RAI1: variants seen among roughly 807,000 people sequenced by gnomAD.
RAI1 encodes the protein retinoic acid induced 1.
In RAI1, 9 loss-of-function variants were observed where a neutral mutation model predicts 123.8. The observed-to-expected ratio is 0.07, with a 90% CI of 0.04 to 0.13. The LOEUF (loss-of-function observed/expected upper bound fraction) is 0.13, where lower values mean the gene tolerates loss of function less well. RAI1 is among the 10% of genes least tolerant of loss of function. The probability of loss-of-function intolerance (pLI) is 1.00; values close to 1 mark genes in which losing one functional copy is unlikely to be tolerated. For synonymous variants in RAI1, 1,231 were observed against 1,127.3 expected (o/e 1.09, Z -1.84); for missense variants, 2,256 against 2,545.8 (o/e 0.89, Z 2.45).
chr17:17,801,113 C>A lies in RAI1; in HGVS notation c.5565+2600C>A, dbSNP rs1156772368. On this transcript the variant is annotated intron_variant, in intron 3 of 5. Transcript: ENST00000353383. The surrounding 1 kb of genome is among the most constrained non-coding windows in gnomAD (Gnocchi z 4.1). ...ACCTCTGAGCCAGCTCTCAGGGATA[C>A]CTTTTTTCCTCGATGGCCTTTTCTG... is the stretch of plus-strand genomic sequence containing the variant. Among the ~76,000 whole-genome samples the A allele has an allele frequency of 6.6e-6, 1 of 152,222 alleles. No homozygotes were observed. The highest frequency in any genetic ancestry group is 2.4e-5 in the African/African-American group (1 of 41,452).
intron 1 of RAI1, among the ~76,000 whole-genome samples, chr17:17,713,078 C>T (rs1000157491): frequency 1.1e-4 from 16 of 152,138 alleles, no homozygotes; most frequent in Non-Finnish European, 1.8e-4. Context: ...GTGATAGTTG[C>T]ACAACTTCAT....
intron 1 of RAI1, among the ~76,000 whole-genome samples, chr17:17,699,762 C>G (rs1915155748): frequency 6.6e-6 from 1 of 152,212 alleles, no homozygotes; most frequent in African/African-American, 2.4e-5. Context: ...TGGCTACTGT[C>G]TGCCGGGTAG....
chr17:17,755,102 G>C (rs1455425945), intron 2 of RAI1, among the ~76,000 whole-genome samples: 1 of 152,208 alleles, frequency 6.6e-6, no homozygotes, highest in Admixed American at 6.5e-5. Context: ...ACTGTTTAGA[G>C]GGCTCCTCTG....
chr17:17,683,210 T>G (rs1914504853), intron 1 of RAI1, among the ~76,000 whole-genome samples: 1 of 152,190 alleles, frequency 6.6e-6, no homozygotes, highest in African/African-American at 2.4e-5. Context: ...TTACTTCTTT[T>G]TATTTTATCT....
At position 17,800,246 on chromosome 17, in the gene RAI1, A is replaced by G. The variant is rs528732231; in HGVS notation, c.5565+1733A>G. On this transcript the variant is annotated intron_variant, in intron 3 of 5. Coordinates refer to ENST00000353383, the MANE Select transcript of RAI1 (RefSeq NM_030665.4). The surrounding 1 kb of genome is among the most constrained non-coding windows in gnomAD (Gnocchi z 4.7). ...TCTCTCTCATTACTGGCTCCTTCCCAGCGCCTTGAAACAGGTTCAAGTCTC... is the reference window on the plus strand; with the variant it reads ...TCTCTCTCATTACTGGCTCCTTCCCGGCGCCTTGAAACAGGTTCAAGTCTC... 8.1e-6 allele frequency among the ~76,000 whole-genome samples: 1 copy of G among 122,740 alleles called. No individual in the cohort carries two copies. Among genetic ancestry groups the G allele is most frequent in the Non-Finnish European group, 1.7e-5 (1 of 58,506 alleles). The allele number at this position is 122,740 out of a possible 152,430, so 80.5% of individuals were successfully genotyped here. A position where few individuals can be genotyped will look rare whatever the true frequency, so the allele number is the denominator to read the frequency against.
At chr17:17,734,582 C>G (rs1250299161) in intron 2 of RAI1, among the ~76,000 whole-genome samples, 1 of 152,240 alleles carries the variant, frequency 6.6e-6, no homozygotes, top group East Asian at 1.9e-4. Flanking sequence ...GAATGGGGGT[C>G]ATGGAGACAG....
chr17:17,806,870 C>A (rs936810782), intron 4 of RAI1, among the ~76,000 whole-genome samples: 1 of 152,224 alleles, frequency 6.6e-6, no homozygotes, highest in Non-Finnish European at 1.5e-5. Flanking sequence ...GGGTGAGCTG[C>A]AGAGCCACAC....
intron 4 of RAI1, chr17:17,804,091 A>G (rs1184359013): frequency 1.7e-6 from 1 of 594,200 alleles, no homozygotes; most frequent in African/African-American, 1.8e-5. Flanking sequence ...GTGAGGGAAG[A>G]TAGAAGCATA....
chr17:17,784,623 G>T (rs967311371), intron 2 of RAI1, among the ~76,000 whole-genome samples: 5 of 152,204 alleles, frequency 3.3e-5, no homozygotes, highest in Non-Finnish European at 7.3e-5. Flanking sequence ...GGAGAGGGGG[G>T]GTGTAGGCAG....
intron 1 of RAI1, chr17:17,683,414 T>G (rs1040861037): frequency 6.6e-6 from 1 of 152,290 alleles, no homozygotes; most frequent in Admixed American, 6.5e-5. Flanking sequence ...CAGCCCTCGC[T>G]GCAGACTGAA....
intron 2 of RAI1, among the ~76,000 whole-genome samples, chr17:17,772,468 C>CACTCTCTGGG (rs1418569832): frequency 3.9e-5 from 6 of 152,360 alleles, no homozygotes; most frequent in Non-Finnish European, 7.3e-5. Flanking sequence ...CACTGTTGCT[C>CACTCTCTGGG]ACTCTCTGGG....
In RAI1 at chr17:17,795,247, A is replaced by G; in HGVS notation, c.2299A>G (p.Lys767Glu). Reference protein sequence around the residue: ...RWGLHPGELTKGLEQGGKASD... With the variant: ...RWGLHPGELTEGLEQGGKASD... The stretch of plus-strand genomic sequence containing the variant: ...GGGATTGCACCCTGGCGAGCTTACC[A>G]AGGGCCTGGAGCAGGGTGGGAAGGC... The change falls in exon 3 of 6, where the codon AAG becomes GAG. Residue 767 changes from lysine (K) to glutamate (E), a missense_variant. Transcript: ENST00000353383. The surrounding 1 kb of genome is among the most constrained non-coding windows in gnomAD (Gnocchi z 5.9). The G allele has an allele frequency of 6.2e-7, 1 of 1,613,982 alleles. No individual in the cohort carries two copies. The highest frequency in any genetic ancestry group is 1.3e-5 in the African/African-American group (1 of 75,016).
intron 1 of RAI1, among the ~76,000 whole-genome samples, chr17:17,722,424 C>T (rs1042857240): frequency 6.6e-6 from 1 of 152,182 alleles, no homozygotes; most frequent in African/African-American, 2.4e-5. Flanking sequence ...AATTACGTGC[C>T]CCCAGGGCTC....
At chr17:17,735,801 C>T (rs182372216) in intron 2 of RAI1, among the ~76,000 whole-genome samples, 2 of 152,316 alleles carry the variant, frequency 1.3e-5, no homozygotes, top group East Asian at 1.9e-4. Context: ...CCCTTCTAAG[C>T]GCAAAGTGCC....
chr17:17,701,927 C>T (rs543330048), intron 1 of RAI1, among the ~76,000 whole-genome samples: 68 of 152,266 alleles, frequency 4.5e-4, no homozygotes, highest in Non-Finnish European at 7.8e-4. Context: ...GGGCTCTGCC[C>T]TCCAAGGACT....
chr17:17,730,191 G>GT (rs1555557010), intron 2 of RAI1, among the ~76,000 whole-genome samples: 1 of 152,236 alleles, frequency 6.6e-6, no homozygotes, highest in Non-Finnish European at 1.5e-5. Flanking sequence ...TGTGATGTTG[G>GT]TATCTGCCTT....
In RAI1 at chr17:17,804,401, T is replaced by C. The variant is rs187085716; in HGVS notation, c.5659+552T>C. On this transcript the variant is annotated intron_variant, in intron 4 of 5. Transcript: ENST00000353383. ...TCTCCCCGGTCCTTCCTCTCACTCA[T>C]GTATTCATTTGTTCCGCAAGCATTT... Among the ~76,000 whole-genome samples the C allele has an allele frequency of 1.0e-3, 158 of 152,258 alleles. 2 individuals are homozygous for C. The highest frequency in any genetic ancestry group is 4.3e-3 in the South Asian group (21 of 4,828).
chr17:17,785,072 G>C (rs1012440706), intron 2 of RAI1, among the ~76,000 whole-genome samples: 5 of 152,212 alleles, frequency 3.3e-5, no homozygotes, highest in Non-Finnish European at 7.3e-5. Context: ...GTGTCTGCCT[G>C]CCTCTGGAGA....
chr17:17,758,590 C>T (rs776159730), intron 2 of RAI1, among the ~76,000 whole-genome samples: 1 of 152,352 alleles, frequency 6.6e-6, no homozygotes, highest in Middle Eastern at 3.4e-3. Context: ...TTCCTGAGTG[C>T]CTGTTTCTCT....
Sources: gnomAD v4.1 joint callset for allele counts (sites outside exome capture counted in the v4.1 genomes callset) on GRCh38, gnomAD v4.1.1 for gene constraint, Gnocchi (gnomAD v3.1) non-coding constraint, MANE v1.5 for transcripts, NCBI Gene and HGNC (gene_info 2026-07-23, HGNC 2026-07-21) for gene names.